Variants in ZNF337 observed in about 807,000 individuals in gnomAD.
ZNF337 encodes zinc finger protein 337.
ZNF337 carries 8 observed loss-of-function variants against 12.1 expected under a neutral mutation model. That is an observed-to-expected ratio of 0.66 (90% CI 0.39 to 1.19). The LOEUF (loss-of-function observed/expected upper bound fraction) is 1.19. ZNF337 is among the 50% of genes most tolerant of loss of function. ZNF337 has a pLI of 0.01. For synonymous variants in ZNF337, 336 were observed against 320.0 expected (o/e 1.05, Z -0.53); for missense variants, 882 against 896.6 (o/e 0.98, Z 0.21).
At chr20:25,691,075 G>A (rs957994560) in intron 1 of ZNF337, among the ~76,000 whole-genome samples, 4 of 151,994 alleles carry the variant, frequency 2.6e-5, no homozygotes, top group African/African-American at 4.8e-5. Context: ...CATGAAACAC[G>A]GGTAGAGAAA....
intron 1 of ZNF337, among the ~76,000 whole-genome samples, chr20:25,690,560 G>A (rs1201660955): frequency 6.6e-6 from 1 of 152,164 alleles, no homozygotes; most frequent in Non-Finnish European, 1.5e-5. Context: ...GCTCTGTTTT[G>A]AGGATCTCAC....
chr20:25,690,276 AAACAAC>A lies in ZNF337; in HGVS notation c.-49-3816_-49-3811del, dbSNP rs577049293. 2.3e-3 allele frequency among the ~76,000 whole-genome samples: 355 copies of A among 152,294 alleles called. 1 individual carries two copies. The highest frequency in any genetic ancestry group is 6.8e-3 in the Middle Eastern group (2 of 294). On this transcript the variant is annotated intron_variant, in intron 1 of 4. Transcript: ENST00000252979. ...AGCAAGACATAGTCTCAAGAAAACA[AAACAAC>A]AACAACAACAAAAACAAAACAGGAG...
At chr20:25,683,587 G>C (rs1213781514) in intron 4 of ZNF337, among the ~76,000 whole-genome samples, 1 of 151,692 alleles carries the variant, frequency 6.6e-6, no homozygotes, top group Admixed American at 6.6e-5. Flanking sequence ...CATTTATGCA[G>C]CCAACAAACT....
chr20:25,680,594 A>G (rs1271789273), intron 4 of ZNF337, among the ~76,000 whole-genome samples: 3 of 152,232 alleles, frequency 2.0e-5, no homozygotes, highest in Non-Finnish European at 4.4e-5. Context: ...ATGACAGTCA[A>G]TGTGCTTATT....
intron 1 of ZNF337, among the ~76,000 whole-genome samples, chr20:25,689,134 C>CAAA (rs35337654): frequency 4.3e-4 from 29 of 66,936 alleles, no homozygotes; most frequent in African/African-American, 1.4e-3. Flanking sequence ...GACTCCGTCA[C>CAAA]AAAAAAAAAA....
At position 25,675,213 on chromosome 20, in the gene ZNF337, C is replaced by T. The variant is rs146305250; in HGVS notation, c.2075G>A (p.Arg692Gln). The T allele has an allele frequency of 3.0e-3, 4,803 of 1,614,208 alleles. 11 individuals are homozygous for T. Among genetic ancestry groups the T allele is most frequent in the Middle Eastern group, 7.8e-3 (47 of 6,062 alleles). The stretch of plus-strand genomic sequence containing the variant: ...GAGGTCTGACTTACTGGTATAGCCT[C>T]GCTTACACTCCTGGCAAACAAAAGG... ...EKPFVCQECKRGYTSKSDLTV... is the reference protein window; with the variant it reads ...EKPFVCQECKQGYTSKSDLTV... Residue 692 changes from arginine (R) to glutamine (Q), a missense_variant, in exon 5 of 5, where the codon CGA (arginine) becomes CAA (glutamine). Coordinates refer to ENST00000252979, the MANE Select transcript of ZNF337 (RefSeq NM_015655.4).
At chr20:25,689,713 G>A (rs187669278) in intron 1 of ZNF337, among the ~76,000 whole-genome samples, 1 of 152,152 alleles carries the variant, frequency 6.6e-6, no homozygotes, top group East Asian at 1.9e-4. Flanking sequence ...CACATAAACA[G>A]GGGGAAGGGA....
At chr20:25,685,121 A>T (rs1300452180) in intron 4 of ZNF337, among the ~76,000 whole-genome samples, 7 of 109,040 alleles carry the variant, frequency 6.4e-5, no homozygotes, top group African/African-American at 4.0e-4. Context: ...AACTTAAATT[A>T]AAAAAAAAAA....
chr20:25,689,133 A>AT (rs2065861868), intron 1 of ZNF337, among the ~76,000 whole-genome samples: 4 of 113,320 alleles, frequency 3.5e-5, no homozygotes, highest in Non-Finnish European at 5.6e-5. Context: ...AGACTCCGTC[A>AT]CAAAAAAAAA....
At chr20:25,693,274 A>G (rs2065895870) in intron 1 of ZNF337, among the ~76,000 whole-genome samples, 1 of 152,112 alleles carries the variant, frequency 6.6e-6, no homozygotes, top group Admixed American at 6.5e-5. Flanking sequence ...ATGAGGTTTC[A>G]CCATGTTGGC....
chr20:25,682,344 T>C (rs1023789417), intron 4 of ZNF337, among the ~76,000 whole-genome samples: 6 of 152,114 alleles, frequency 3.9e-5, no homozygotes, highest in African/African-American at 1.2e-4. Flanking sequence ...CCAATAAAAT[T>C]ATAATAATTC....
intron 4 of ZNF337, among the ~76,000 whole-genome samples, chr20:25,682,831 G>A (rs116080687): frequency 0.024 from 3,438 of 141,376 alleles, 121 homozygotes; most frequent in African/African-American, 0.095. Context: ...GTGAAACTCC[G>A]ACTCAAAAAA....
At chr20:25,679,677 C>G (rs564415110) in intron 4 of ZNF337, among the ~76,000 whole-genome samples, 1 of 151,876 alleles carries the variant, frequency 6.6e-6, no homozygotes, top group Admixed American at 6.6e-5. Flanking sequence ...GGCAAAGATG[C>G]AGAAAAAAGG....
chr20:25,678,259 AAAAG>A (rs957500163), intron 4 of ZNF337, among the ~76,000 whole-genome samples: 23 of 152,250 alleles, frequency 1.5e-4, no homozygotes, highest in African/African-American at 4.6e-4. Context: ...AACTAGGTGA[AAAAG>A]AAATCAAGAA....
In ZNF337 at chr20:25,675,551, T is replaced by A. The variant is rs1160165518; in HGVS notation, c.1737A>T (p.Arg579=). ...ERPFNCKDCG[R]GFILKSTLLF... is the part of the protein sequence containing the mutation. ...GGAGAGTTGATTTTAGGATGAAGCC[T>A]CGCCCGCAATCCTTGCAATTAAATG... is the stretch of plus-strand genomic sequence containing the variant. Residue 579 remains arginine (R), a synonymous_variant, in exon 5 of 5, where the codon CGA becomes CGT. Coordinates refer to ENST00000252979, the MANE Select transcript of ZNF337 (RefSeq NM_015655.4). 7 of 1,613,948 alleles carry A rather than the reference T, an allele frequency of 4.3e-6. No individual in the cohort carries two copies. Among genetic ancestry groups the A allele is most frequent in the Non-Finnish European group, 5.9e-6 (7 of 1,180,006 alleles).
In ZNF337 at chr20:25,675,337, AGT is replaced by A. The variant is rs780006029; in HGVS notation, c.1949_1950del (p.His650LeufsTer9). ...KGNLLTHQRT[H>X]SGEKPFVCNV... ...TTACACACGAAGGGCTTCTCCCCTG[AGT>A]GTGTCCTCTGGTGTGTGAGGAGATT... On this transcript the variant is annotated frameshift_variant, in exon 5 of 5. Coordinates refer to ENST00000252979, the MANE Select transcript of ZNF337 (RefSeq NM_015655.4). LOFTEE classifies it low-confidence loss of function (END_TRUNC). The A allele has an allele frequency of 1.9e-6, 3 of 1,614,208 alleles. No homozygotes were observed. Among genetic ancestry groups the A allele is most frequent in the Non-Finnish European group, 2.5e-6 (3 of 1,180,032 alleles).
rs1334344792 is a variant in ZNF337, at chr20:25,676,009, A to T, written c.1279T>A (p.Ser427Thr). 5 of 1,613,798 alleles carry T rather than the reference A, an allele frequency of 3.1e-6. No homozygotes were observed. Among genetic ancestry groups the T allele is most frequent in the Non-Finnish European group, 4.2e-6 (5 of 1,179,716 alleles). Residue 427 changes from serine to threonine, a missense_variant, in exon 5 of 5, where the codon TCA becomes ACA. By Grantham distance (58) the Ser-to-Thr change is moderately conservative (BLOSUM62 1). Coordinates refer to ENST00000252979, the MANE Select transcript of ZNF337 (RefSeq NM_015655.4). ...STLVYHQRTHSGEKPFVCREC... is the reference protein window; with the variant it reads ...STLVYHQRTHTGEKPFVCREC... ...CTACAAACAAAAGGTTTCTCCCCTG[A>T]GTGTGTTCTCTGGTGGTAGACAAGA...
intron 2 of ZNF337, 38 bp downstream of exon 2, chr20:25,686,353 C>T: frequency 6.3e-7 from 1 of 1,589,346 alleles, no homozygotes; most frequent in Non-Finnish European, 8.6e-7. Context: ...ATGGGCCCAT[C>T]CTGTGACAGC....
intron 4 of ZNF337, chr20:25,677,264 C>T (rs1343789094): frequency 4.4e-6 from 2 of 457,960 alleles, no homozygotes; most frequent in East Asian, 6.8e-5. Flanking sequence ...CAGACAAGGA[C>T]ACAGCAAAAA....
Sources: gnomAD v4.1 joint callset for allele counts (sites outside exome capture counted in the v4.1 genomes callset) on GRCh38, gnomAD v4.1.1 for gene constraint, MANE v1.5 for transcripts, NCBI Gene and HGNC (gene_info 2026-07-23, HGNC 2026-07-21) for gene names.